Variants in VAV2 observed in about 807,000 individuals in gnomAD.
VAV2 encodes guanine nucleotide exchange factor VAV2.
A neutral mutation model predicts 132.5 loss-of-function variants in VAV2; 67 were observed. That is an observed-to-expected ratio of 0.51 (90% CI 0.42 to 0.62). The LOEUF is 0.62. VAV2 is among the 20% of genes least tolerant of loss of function. VAV2 has a pLI of 0.00. For synonymous variants in VAV2, 492 were observed against 443.5 expected (o/e 1.11, Z -1.37); for missense variants, 938 against 1,153.6 (o/e 0.81, Z 2.71).
At position 133,919,818 on chromosome 9, in the gene VAV2, T is replaced by C. The variant is rs946403077; in HGVS notation, c.321+19285A>G. On this transcript the variant is annotated intron_variant, in intron 2 of 29. Coordinates refer to ENST00000371850, the MANE Select transcript of VAV2 (RefSeq NM_001134398.2). This position sits in a 1 kb window ranked among gnomAD's most constrained non-coding sequence, Gnocchi z 5.8. Reference sequence around the variant, plus strand: ...GATGGAAGGTCCCCGCTGCCCCGACTGTCCCTGCCGCCCCGGCCACCCCTG... The same window carrying C: ...GATGGAAGGTCCCCGCTGCCCCGACCGTCCCTGCCGCCCCGGCCACCCCTG... Among the ~76,000 whole-genome samples the C allele has an allele frequency of 4.6e-5, 7 of 152,104 alleles. No homozygotes were observed. Among genetic ancestry groups the C allele is most frequent in the African/African-American group, 1.7e-4 (7 of 41,418 alleles).
In VAV2 at chr9:133,826,172, C is replaced by T. The variant is rs1386545209; in HGVS notation, c.449+8100G>A. ...CACAGACCATCTGGGCAGATGCTTT[C>T]GTTTCAGAGACTGGGAAACTGAGGC... On this transcript the variant is annotated intron_variant, in intron 4 of 29. Transcript: ENST00000371850. The surrounding 1 kb of genome is among the most constrained non-coding windows in gnomAD (Gnocchi z 4.2). Among the ~76,000 whole-genome samples the T allele has an allele frequency of 3.3e-5, 5 of 152,190 alleles. No individual in the cohort carries two copies. The highest frequency in any genetic ancestry group is 2.1e-4 in the South Asian group (1 of 4,828).
At chr9:133,957,275 G>GTT (rs140302473) in intron 1 of VAV2, among the ~76,000 whole-genome samples, 1 of 151,982 alleles carries the variant, frequency 6.6e-6, no homozygotes, top group Non-Finnish European at 1.5e-5. Flanking sequence ...AAACGGGTTT[G>GTT]TTTTTTTCTC....
rs1833526340 is a variant in VAV2 at position 133,768,960 on chromosome 9, C to G, written c.2435-364G>C. Among the ~76,000 whole-genome samples, 1 of 152,156 alleles carries G rather than the reference C, an allele frequency of 6.6e-6. No homozygotes were observed. The highest frequency in any genetic ancestry group is 1.5e-5 in the Non-Finnish European group (1 of 68,026). ...ATCCTGATAGACAGGTGACAATGAC[C>G]ATGGCTGAGGGCGAAACACACACAG... On this transcript the variant is annotated intron_variant, in intron 28 of 29. Coordinates refer to ENST00000371850, the MANE Select transcript of VAV2 (RefSeq NM_001134398.2). The surrounding 1 kb of genome is among the most constrained non-coding windows in gnomAD (Gnocchi z 5.3).
At chr9:133,872,589 G>T (rs905845688) in intron 2 of VAV2, among the ~76,000 whole-genome samples, 3 of 152,172 alleles carry the variant, frequency 2.0e-5, no homozygotes, top group African/African-American at 7.2e-5. Context: ...CAGGAAGGCT[G>T]GCAGGGAAGC....
chr9:133,954,056 G>A (rs962695185), intron 1 of VAV2, among the ~76,000 whole-genome samples: 2 of 152,158 alleles, frequency 1.3e-5, no homozygotes, highest in African/African-American at 4.8e-5. Flanking sequence ...CACGCCATGG[G>A]ATGTAAAACA....
chr9:133,784,547 G>T, intron 17 of VAV2, 129 bp from the exon 18 acceptor site: 1 of 938,640 alleles, frequency 1.1e-6, no homozygotes, highest in Non-Finnish European at 1.7e-6. Flanking sequence ...TGGACTCCAA[G>T]CCTGGCTCTG....
rs7865299 is a variant in VAV2 at position 133,797,806 on chromosome 9, A to G, written c.840T>C (p.Leu280=). The G allele has an allele frequency of 0.21, 339,204 of 1,612,988 alleles. 39,239 individuals carry two copies. Among genetic ancestry groups the G allele is most frequent in the African/African-American group, 0.46 (34,722 of 74,898 alleles). Residue 280 remains leucine, a synonymous_variant, in exon 10 of 30, where the codon CTT becomes CTC. Coordinates refer to ENST00000371850, the MANE Select transcript of VAV2 (RefSeq NM_001134398.2). ...GGCTGCAGTACTCCCCGTAGATCAG[A>G]AGCCTGGACGGTGCACACACACGCA... ...AKVFLDFKER[L]LIYGEYCSHM...
At chr9:133,940,850 C>T (rs1010829991) in intron 1 of VAV2, among the ~76,000 whole-genome samples, 1 of 151,398 alleles carries the variant, frequency 6.6e-6, no homozygotes, top group Admixed American at 6.6e-5. Context: ...GGACACCACA[C>T]GGTTATCTTA....
intron 1 of VAV2, among the ~76,000 whole-genome samples, chr9:133,947,337 G>A (rs907865467): frequency 1.3e-5 from 2 of 152,164 alleles, no homozygotes; most frequent in Non-Finnish European, 2.9e-5. Context: ...GCAGGGGGCG[G>A]GGGTGGTCCC....
At chr9:133,793,269 GC>G (rs554622578) in intron 12 of VAV2, among the ~76,000 whole-genome samples, 123 of 152,164 alleles carry the variant, frequency 8.1e-4, no homozygotes, top group East Asian at 5.8e-3. Flanking sequence ...TCCTGGCCCT[GC>G]CCCCCGAGAG....
intron 2 of VAV2, among the ~76,000 whole-genome samples, chr9:133,869,965 T>C (rs1837962402): frequency 6.6e-6 from 1 of 152,246 alleles, no homozygotes. Flanking sequence ...AGCAAATCAT[T>C]ATAAATTACT....
chr9:133,946,090 G>T (rs1370134244), intron 1 of VAV2, among the ~76,000 whole-genome samples: 11 of 152,248 alleles, frequency 7.2e-5, no homozygotes, highest in Non-Finnish European at 1.6e-4. Flanking sequence ...GGGGGTTGGG[G>T]TGCCACAGTT....
intron 3 of VAV2, among the ~76,000 whole-genome samples, chr9:133,846,527 C>T (rs1157947319): frequency 1.3e-5 from 2 of 151,826 alleles, no homozygotes; most frequent in African/African-American, 2.4e-5. Context: ...TCCCCTCACA[C>T]GTTGCTCCCT....
intron 2 of VAV2, among the ~76,000 whole-genome samples, chr9:133,897,788 TTTAA>T (rs1839272017): frequency 6.6e-6 from 1 of 152,162 alleles, no homozygotes; most frequent in African/African-American, 2.4e-5. Context: ...AATGTCTGTA[TTTAA>T]TTAACGCTGG....
intron 2 of VAV2, among the ~76,000 whole-genome samples, chr9:133,920,234 A>G (rs1463693458): frequency 6.6e-6 from 1 of 152,236 alleles, no homozygotes; most frequent in Non-Finnish European, 1.5e-5. Flanking sequence ...AAGGGCCAGG[A>G]GAGAGAGTCC....
At chr9:133,989,787 T>A (rs559112866) in intron 1 of VAV2, among the ~76,000 whole-genome samples, 3 of 152,144 alleles carry the variant, frequency 2.0e-5, no homozygotes, top group South Asian at 4.1e-4. Flanking sequence ...TGCAGTAAAG[T>A]GGTTTCTCCA....
chr9:133,871,462 AGAAG>A (rs1225862218), intron 2 of VAV2, among the ~76,000 whole-genome samples: 68 of 135,406 alleles, frequency 5.0e-4, no homozygotes, highest in Middle Eastern at 3.8e-3. Flanking sequence ...GGATGGATGG[AGAAG>A]CGGATGGATG....
chr9:133,887,059 G>C (rs944587073), intron 2 of VAV2, among the ~76,000 whole-genome samples: 1 of 152,108 alleles, frequency 6.6e-6, no homozygotes, highest in Non-Finnish European at 1.5e-5. Flanking sequence ...GGTTCCCAGA[G>C]GGGTTCCCTG....
Position 133,810,218 on chromosome 9 carries a change from A to T in VAV2, c.553-13T>A, listed in dbSNP as rs781478760. The stretch of plus-strand genomic sequence containing the variant: ...GCATGTATCTAATCTGCAAGCGTGG[A>T]GAAAGAACCAGAAACAGCGCCGGTT... On this transcript the variant is annotated splice_polypyrimidine_tract_variant and intron_variant, in intron 5 of 29. Coordinates refer to ENST00000371850, the MANE Select transcript of VAV2 (RefSeq NM_001134398.2). The T allele has an allele frequency of 6.2e-7, 1 of 1,613,352 alleles. No individual in the cohort carries two copies. Among genetic ancestry groups the T allele is most frequent in the Non-Finnish European group, 8.5e-7 (1 of 1,179,834 alleles).
Sources: allele counts gnomAD v4.1 joint callset (sites outside exome capture counted in the v4.1 genomes callset), GRCh38; gene constraint gnomAD v4.1.1; non-coding constraint Gnocchi (gnomAD v3.1); transcripts MANE v1.5; gene names NCBI Gene and HGNC (gene_info 2026-07-23, HGNC 2026-07-21).